Variants in LRRC4C observed in about 807,000 individuals in gnomAD.
LRRC4C encodes leucine rich repeat containing 4C, also known as leucine-rich repeat-containing protein 4C.
LRRC4C carries 5 observed loss-of-function variants against 33.6 expected under a neutral mutation model. The observed-to-expected ratio is 0.15, with a 90% CI of 0.08 to 0.31. The LOEUF (loss-of-function observed/expected upper bound fraction) is 0.31, where lower values mean the gene tolerates loss of function less well. LRRC4C is among the 10% of genes least tolerant of loss of function. The pLI is 1.00. For synonymous variants in LRRC4C, 329 were observed against 302.0 expected (o/e 1.09, Z -0.93); for missense variants, 560 against 796.7 (o/e 0.70, Z 3.58).
intron 3 of LRRC4C, among the ~76,000 whole-genome samples, chr11:40,367,815 T>C (rs960418708): frequency 1.3e-5 from 2 of 152,166 alleles, no homozygotes; most frequent in East Asian, 1.9e-4. Context: ...TAGCTTATTA[T>C]GCAAGTTACA....
chr11:40,381,513 G>A (rs1169412736), intron 3 of LRRC4C, among the ~76,000 whole-genome samples: 1 of 152,066 alleles, frequency 6.6e-6, no homozygotes, highest in African/African-American at 2.4e-5. Flanking sequence ...TTGAAAATTG[G>A]CTGGACAATT....
chr11:41,398,894 C>G (rs1253279622), intron 1 of LRRC4C, among the ~76,000 whole-genome samples: 1 of 151,806 alleles, frequency 6.6e-6, no homozygotes, highest in East Asian at 1.9e-4. Flanking sequence ...TGGCCTCTCT[C>G]CCAAGCAGAA....
intron 1 of LRRC4C, among the ~76,000 whole-genome samples, chr11:41,448,122 G>GTCTTTTTTTTTTTTTTTTTTTTTTT: frequency 2.1e-5 from 1 of 46,948 alleles, no homozygotes; most frequent in Non-Finnish European, 4.4e-5. Context: ...GCACACGTCT[G>GTCTTTTTTTTTTTTTTTTTTTTTTT]TTTTTTTTTT....
chr11:40,865,004 C>T (rs4756619), intron 2 of LRRC4C, among the ~76,000 whole-genome samples: 107,242 of 152,082 alleles, frequency 0.71, 41,540 homozygotes, highest in Non-Finnish European at 0.86. Context: ...CGTTTATCCA[C>T]TGATGGATAC....
chr11:40,629,565 C>T (rs7129478), intron 3 of LRRC4C, among the ~76,000 whole-genome samples: 5,722 of 152,196 alleles, frequency 0.038, 345 homozygotes, highest in African/African-American at 0.13. Flanking sequence ...AGAAAATGCA[C>T]TTTCTGCTGA....
intron 2 of LRRC4C, among the ~76,000 whole-genome samples, chr11:40,923,407 A>T (rs1957274238): frequency 6.6e-6 from 1 of 152,178 alleles, no homozygotes; most frequent in African/African-American, 2.4e-5. Flanking sequence ...TTTGAAGTTA[A>T]ATGTGGCAGT....
chr11:41,337,516 T>C (rs1286445713), intron 1 of LRRC4C, among the ~76,000 whole-genome samples: 1 of 152,176 alleles, frequency 6.6e-6, no homozygotes, highest in Non-Finnish European at 1.5e-5. Context: ...ACCCCTCCCT[T>C]ACACCTTATA....
At chr11:40,423,580 G>A (rs554321977) in intron 3 of LRRC4C, among the ~76,000 whole-genome samples, 4 of 152,002 alleles carry the variant, frequency 2.6e-5, no homozygotes, top group East Asian at 1.9e-4. Flanking sequence ...TCCTGACCTC[G>A]TGATCCGCCC....
intron 1 of LRRC4C, among the ~76,000 whole-genome samples, chr11:41,239,412 G>T (rs11036306): frequency 0.043 from 6,426 of 150,770 alleles, 175 homozygotes; most frequent in South Asian, 0.066. Flanking sequence ...GGTCTACAAG[G>T]ATTTATTCCT....
intron 1 of LRRC4C, among the ~76,000 whole-genome samples, chr11:41,030,931 CTA>C (rs551689681): frequency 6.6e-6 from 1 of 151,724 alleles, no homozygotes; most frequent in African/African-American, 2.4e-5. Context: ...ATTTGCCCTC[CTA>C]AAATTTTTCT....
chr11:41,213,743 C>G (rs1453320526), intron 1 of LRRC4C, among the ~76,000 whole-genome samples: 2 of 152,184 alleles, frequency 1.3e-5, no homozygotes, highest in Middle Eastern at 3.2e-3. Flanking sequence ...ACTCAGCACC[C>G]TTTACATTTA....
At position 40,126,770 on chromosome 11, in the gene LRRC4C, G is replaced by T. The variant is rs1443357660; in HGVS notation, c.-42-10436C>A. Among the ~76,000 whole-genome samples, 4 of 152,098 alleles carry T rather than the reference G, an allele frequency of 2.6e-5. No homozygotes were observed. In the East Asian group the frequency reaches 7.8e-4, roughly 30 times the overall value. ...GAGGTGGGGAGTTCAAGACCAGCCT[G>T]ACCAACATGGAGGAACCCCATCTCT... On this transcript the variant is annotated intron_variant, in intron 6 of 6. Coordinates refer to ENST00000528697, the MANE Select transcript of LRRC4C (RefSeq NM_001258419.2).
chr11:40,946,637 A>G (rs1168588645), intron 1 of LRRC4C, among the ~76,000 whole-genome samples: 3 of 152,170 alleles, frequency 2.0e-5, no homozygotes, highest in Admixed American at 6.6e-5. Flanking sequence ...ACTAATAGCC[A>G]TTCTGACTGC....
intron 2 of LRRC4C, among the ~76,000 whole-genome samples, chr11:40,752,550 C>T (rs920153358): frequency 3.3e-5 from 5 of 151,726 alleles, no homozygotes; most frequent in African/African-American, 7.3e-5. Flanking sequence ...AATGAGATAT[C>T]ATCTTACCCG....
chr11:41,304,872 T>G (rs1490283458), intron 1 of LRRC4C, among the ~76,000 whole-genome samples: 37 of 45,036 alleles, frequency 8.2e-4, no homozygotes, highest in African/African-American at 1.1e-3. Context: ...GAGGTGGGGG[T>G]ATCAGCCCTC....
At chr11:41,128,252 A>C (rs1159845636) in intron 1 of LRRC4C, among the ~76,000 whole-genome samples, 1 of 147,958 alleles carries the variant, frequency 6.8e-6, no homozygotes, top group Non-Finnish European at 1.5e-5. Flanking sequence ...GAAGTGGAGA[A>C]TCTGTCATAC....
At chr11:41,144,234 G>A (rs1036565287) in intron 1 of LRRC4C, among the ~76,000 whole-genome samples, 1 of 152,166 alleles carries the variant, frequency 6.6e-6, no homozygotes, top group Non-Finnish European at 1.5e-5. Context: ...TAAAATGTCT[G>A]CAGGCAAGGG....
intron 1 of LRRC4C, among the ~76,000 whole-genome samples, chr11:41,067,752 C>G (rs558418707): frequency 9.9e-5 from 15 of 152,272 alleles, no homozygotes; most frequent in Admixed American, 9.2e-4. Context: ...TTAAGAAACT[C>G]ACTTAAAACC....
intron 1 of LRRC4C, among the ~76,000 whole-genome samples, chr11:41,001,378 G>A (rs1854363768): frequency 6.6e-6 from 1 of 152,210 alleles, no homozygotes; most frequent in African/African-American, 2.4e-5. Flanking sequence ...ATCCTTTTGT[G>A]CAATATCTTG....
Sources: allele counts gnomAD v4.1 joint callset (sites outside exome capture counted in the v4.1 genomes callset), GRCh38; gene constraint gnomAD v4.1.1; transcripts MANE v1.5; gene names NCBI Gene and HGNC (gene_info 2026-07-23, HGNC 2026-07-21).